Variants in MRRF observed in about 807,000 individuals in gnomAD.
The protein encoded by MRRF is ribosome-recycling factor, mitochondrial.
Under a neutral mutation model 25.1 loss-of-function variants are expected in MRRF, and 18 were observed. That is an observed-to-expected ratio of 0.72 (90% CI 0.50 to 1.06). The LOEUF (loss-of-function observed/expected upper bound fraction) is 1.06, where lower values mean the gene tolerates loss of function less well. Ranked by LOEUF, MRRF falls within the 50% of genes least tolerant of loss-of-function variation. The pLI is 0.00. For synonymous variants in MRRF, 113 were observed against 112.1 expected (o/e 1.01, Z -0.05); for missense variants, 323 against 319.3 (o/e 1.01, Z -0.09).
intron 4 of MRRF, among the ~76,000 whole-genome samples, chr9:122,286,422 G>A (rs1588032936): frequency 6.6e-6 from 1 of 152,070 alleles, no homozygotes. Context: ...AATATATATT[G>A]TGCCAGGCGT....
At chr9:122,309,985 C>T (rs1435887132) in intron 5 of MRRF, among the ~76,000 whole-genome samples, 1 of 152,140 alleles carries the variant, frequency 6.6e-6, no homozygotes, top group Non-Finnish European at 1.5e-5. Flanking sequence ...TTCAGGGCTT[C>T]CAAAAATGTA....
At position 122,328,004 on chromosome 9, in the gene MRRF, C is replaced by T. The variant is rs1237519874; in HGVS notation, c.*5387C>T. On this transcript the variant is annotated 3_prime_UTR_variant, in exon 7 of 7. Transcript: ENST00000344641. ...TTTTTTTTTTAGACAGGGTCTTGCT[C>T]TGTCACTCAGGCTGGATTTCAGTGG... 2 of 151,414 alleles carry T rather than the reference C, an allele frequency of 1.3e-5. No individual in the cohort carries two copies. The highest frequency in any genetic ancestry group is 2.9e-5 in the Non-Finnish European group (2 of 67,982). The allele number at this position is 151,414 out of a possible 1,614,324, so 9.4% of individuals were successfully genotyped here.
intron 1 of MRRF, among the ~76,000 whole-genome samples, chr9:122,267,935 G>A (rs994706487): frequency 1.3e-5 from 2 of 152,210 alleles, no homozygotes; most frequent in African/African-American, 2.4e-5. Flanking sequence ...AGGTCACACA[G>A]CTAGTAAGTG....
At position 122,317,067 on chromosome 9, in the gene MRRF, A is replaced by AATATATATATAT. The variant is rs71847269; in HGVS notation, c.711+3691_711+3702dup. ...ACTTCTTTGTTATAAGGTTGCAGTGAATATATATATATATATATATAAATC... is the reference window on the plus strand; with the variant it reads ...ACTTCTTTGTTATAAGGTTGCAGTGAATATATATATATATATATATATATATATATATAAATC... On this transcript the variant is annotated intron_variant, in intron 6 of 6. Transcript: ENST00000344641. Among the ~76,000 whole-genome samples, 1,001 of 145,380 alleles carry AATATATATATAT rather than the reference A, an allele frequency of 6.9e-3. 14 individuals carry two copies. The highest frequency in any genetic ancestry group is 0.052 in the East Asian group (257 of 4,940).
chr9:122,289,127 T>C (rs1461910431), intron 4 of MRRF, among the ~76,000 whole-genome samples: 3 of 152,254 alleles, frequency 2.0e-5, no homozygotes, highest in African/African-American at 4.8e-5. Context: ...AAAATACATG[T>C]AGAATTCAGT....
chr9:122,286,185 T>A, intron 4 of MRRF: 7 of 1,288,586 alleles, frequency 5.4e-6, no homozygotes, highest in South Asian at 1.2e-5. Flanking sequence ...ATCCTCCTGT[T>A]CTTATTGTCT....
intron 3 of MRRF, among the ~76,000 whole-genome samples, chr9:122,282,894 G>T (rs1833166589): frequency 6.6e-6 from 1 of 152,102 alleles, no homozygotes; most frequent in South Asian, 2.1e-4. Context: ...AGTGTTCTCA[G>T]TAGAAGGAAA....
At chr9:122,305,336 G>T (rs1834769377) in intron 5 of MRRF, among the ~76,000 whole-genome samples, 1 of 151,436 alleles carries the variant, frequency 6.6e-6, no homozygotes, top group African/African-American at 2.4e-5. Context: ...ACTTGAACCT[G>T]GGAGGCAGAG....
chr9:122,266,063 C>G (rs776019694), intron 1 of MRRF, among the ~76,000 whole-genome samples: 7 of 152,228 alleles, frequency 4.6e-5, no homozygotes, highest in Non-Finnish European at 8.8e-5. Flanking sequence ...CTGGTTTACC[C>G]TGGATAAGGA....
At chr9:122,283,083 A>T (rs1481122788) in intron 3 of MRRF, among the ~76,000 whole-genome samples, 1 of 151,804 alleles carries the variant, frequency 6.6e-6, no homozygotes, top group Non-Finnish European at 1.5e-5. Flanking sequence ...CCCATGAAAT[A>T]TAAGTACAAT....
chr9:122,276,126 C>G lies in MRRF; in HGVS notation c.185-4317C>G, dbSNP rs574667875. Among the ~76,000 whole-genome samples the G allele has an allele frequency of 2.6e-5, 4 of 151,926 alleles. No homozygotes were observed. In the East Asian group the frequency reaches 7.7e-4, roughly 29 times the overall value. On this transcript the variant is annotated intron_variant, in intron 2 of 6. Coordinates refer to ENST00000344641, the MANE Select transcript of MRRF (RefSeq NM_138777.5). The stretch of plus-strand genomic sequence containing the variant: ...ATGGGATTTCGCCATGTTGGCCAGG[C>G]TGGTCTCGAACTTTTGACCTTGGGT...
intron 3 of MRRF, 133 bp from the exon 4 acceptor site, chr9:122,285,036 C>T (rs1038441550): frequency 5.7e-6 from 4 of 703,176 alleles, no homozygotes; most frequent in Non-Finnish European, 1.0e-5. Flanking sequence ...AGCATTCCTC[C>T]CACTTCACTC....
chr9:122,294,723 A>G (rs1833979639), intron 5 of MRRF, among the ~76,000 whole-genome samples: 2 of 152,246 alleles, frequency 1.3e-5, no homozygotes, highest in Non-Finnish European at 2.9e-5. Flanking sequence ...CTCTGGGCAC[A>G]GCGCCCTAGT....
At chr9:122,293,889 G>T (rs896351545) in intron 5 of MRRF, among the ~76,000 whole-genome samples, 1 of 152,146 alleles carries the variant, frequency 6.6e-6, no homozygotes, top group African/African-American at 2.4e-5. Context: ...GAGAAATTAA[G>T]GGACTTGCCC....
Position 122,326,600 on chromosome 9 carries a change from A to G in MRRF, c.*3983A>G, listed in dbSNP as rs886128558. 1 of 152,134 alleles carries G rather than the reference A, an allele frequency of 6.6e-6. No individual in the cohort carries two copies. Among genetic ancestry groups the G allele is most frequent in the Admixed American group, 6.5e-5 (1 of 15,272 alleles). The allele number at this position is 152,134 out of a possible 1,614,324, so 9.4% of individuals were successfully genotyped here. On this transcript the variant is annotated 3_prime_UTR_variant, in exon 7 of 7. Coordinates refer to ENST00000344641, the MANE Select transcript of MRRF (RefSeq NM_138777.5). ...TAATTCACTATTAGCCCATGACACTATTTAAAAATTATTTCACATGCATTG... is the reference window on the plus strand; with the variant it reads ...TAATTCACTATTAGCCCATGACACTGTTTAAAAATTATTTCACATGCATTG...
rs530118092 is a variant in MRRF at position 122,302,836 on chromosome 9, A to G, written c.552-10391A>G. On this transcript the variant is annotated intron_variant, in intron 5 of 6. Transcript: ENST00000344641. The stretch of plus-strand genomic sequence containing the variant: ...TGCACATTTTAAATTCCCACTAGCA[A>G]TATATGAGGATTTCAGTTTCTCCAT... Among the ~76,000 whole-genome samples the G allele has an allele frequency of 2.0e-4, 30 of 152,314 alleles. No individual in the cohort carries two copies. The South Asian group carries it at 5.0e-3, about 25-fold the overall frequency.
Position 122,271,084 on chromosome 9 carries a change from A to G in MRRF, c.184+9A>G, listed in dbSNP as rs375429967. 1 of 1,612,540 alleles carries G rather than the reference A, an allele frequency of 6.2e-7. No individual in the cohort carries two copies. Among genetic ancestry groups the G allele is most frequent in the Non-Finnish European group, 8.5e-7 (1 of 1,178,488 alleles). ...TACCAAGAAAGCCAAAGGTAGAGAC[A>G]TGTGACGTTCTCTCCTACTTCACCC... On this transcript the variant is annotated intron_variant, in intron 2 of 6. Coordinates refer to ENST00000344641, the MANE Select transcript of MRRF (RefSeq NM_138777.5).
chr9:122,265,427 C>T (rs1564463447), intron 1 of MRRF: 2 of 288,742 alleles, frequency 6.9e-6, no homozygotes, highest in Non-Finnish European at 1.4e-5. Flanking sequence ...ATTTACTTAA[C>T]CCTGACAAAT....
intron 1 of MRRF, among the ~76,000 whole-genome samples, chr9:122,267,428 C>G (rs575632868): frequency 1.3e-5 from 2 of 151,876 alleles, no homozygotes; most frequent in East Asian, 3.9e-4. Flanking sequence ...ATTATAATAG[C>G]TACAATTTAT....
Sources: gnomAD v4.1 joint callset for allele counts (sites outside exome capture counted in the v4.1 genomes callset) on GRCh38, gnomAD v4.1.1 for gene constraint, MANE v1.5 for transcripts, NCBI Gene and HGNC (gene_info 2026-07-23, HGNC 2026-07-21) for gene names.